Variants in KIAA1549L observed in about 807,000 individuals in gnomAD.
KIAA1549L encodes KIAA1549 like.
Under a neutral mutation model 160.7 loss-of-function variants are expected in KIAA1549L, and 88 were observed. That is an observed-to-expected ratio of 0.55 (90% CI 0.46 to 0.65). The LOEUF (loss-of-function observed/expected upper bound fraction) is 0.65, where lower values mean the gene tolerates loss of function less well. KIAA1549L is among the 30% of genes least tolerant of loss of function. The pLI is 0.00. For synonymous variants in KIAA1549L, 950 were observed against 976.7 expected (o/e 0.97, Z 0.51); for missense variants, 2,258 against 2,437.5 (o/e 0.93, Z 1.55).
At chr11:33,494,248 A>G (rs1041828223) in intron 1 of KIAA1549L, among the ~76,000 whole-genome samples, 5 of 152,262 alleles carry the variant, frequency 3.3e-5, no homozygotes, top group Non-Finnish European at 7.3e-5. Context: ...TTTACTCTGA[A>G]CCCAATGCAA....
chr11:33,655,437 C>T lies in KIAA1549L; in HGVS notation c.5761-575C>T, dbSNP rs1023413185. Among the ~76,000 whole-genome samples, 7 of 152,312 alleles carry T rather than the reference C, an allele frequency of 4.6e-5. 1 individual carries two copies. Among genetic ancestry groups the T allele is most frequent in the East Asian group, 1.9e-4 (1 of 5,186 alleles). ...AATCCATTGCTTTTCTCCACTAAAC[C>T]TGCTCTCCCTTGAGAGAAAGTAAAA... On this transcript the variant is annotated intron_variant, in intron 17 of 20. Transcript: ENST00000658780.
intron 16 of KIAA1549L, among the ~76,000 whole-genome samples, chr11:33,625,308 G>C (rs1200497005): frequency 6.6e-6 from 1 of 152,028 alleles, no homozygotes; most frequent in Non-Finnish European, 1.5e-5. Context: ...GGTATTTCTA[G>C]TTCTATATCC....
At chr11:33,476,848 T>G (rs1021466499) in intron 1 of KIAA1549L, among the ~76,000 whole-genome samples, 6 of 152,344 alleles carry the variant, frequency 3.9e-5, no homozygotes, top group Non-Finnish European at 8.8e-5. Flanking sequence ...ACAAAACCTA[T>G]TCCTACTTGA....
chr11:33,665,820 G>C lies in KIAA1549L; in HGVS notation c.6160-2053G>C, dbSNP rs576170316. ...GAAATCAGAGCCCCTACAGGGGGAAGAGAGAGGCCAGGCAGCAGAAGCAGA... is the reference window on the plus strand; with the variant it reads ...GAAATCAGAGCCCCTACAGGGGGAACAGAGAGGCCAGGCAGCAGAAGCAGA... On this transcript the variant is annotated intron_variant, in intron 20 of 20. Transcript: ENST00000658780. 3.6e-4 allele frequency among the ~76,000 whole-genome samples: 55 copies of C among 152,288 alleles called. 1 individual carries two copies. The South Asian group carries it at 6.4e-3, about 18-fold the overall frequency.
chr11:33,510,531 A>G (rs1853204723), intron 1 of KIAA1549L, among the ~76,000 whole-genome samples: 1 of 152,194 alleles, frequency 6.6e-6, no homozygotes, highest in Non-Finnish European at 1.5e-5. Context: ...TTGTCTCTGA[A>G]GTAAACAGAT....
At chr11:33,420,108 A>G (rs188850223) in intron 1 of KIAA1549L, among the ~76,000 whole-genome samples, 1 of 152,224 alleles carries the variant, frequency 6.6e-6, no homozygotes, top group African/African-American at 2.4e-5. Context: ...ATTTGTGGTA[A>G]ATATCCCCTA....
chr11:33,495,949 C>T lies in KIAA1549L; in HGVS notation c.239-45853C>T, dbSNP rs984204822. 3.3e-5 allele frequency among the ~76,000 whole-genome samples: 5 copies of T among 151,946 alleles called. No homozygotes were observed. In the South Asian group the frequency reaches 1.0e-3, roughly 32 times the overall value. On this transcript the variant is annotated intron_variant, in intron 1 of 20. Transcript: ENST00000658780. Reference sequence around the variant, plus strand: ...TCTTTTGAGAAGTGTCTGTTCATGTCCTTCGCCCACTTTTATTATTATTGT... The same window carrying T: ...TCTTTTGAGAAGTGTCTGTTCATGTTCTTCGCCCACTTTTATTATTATTGT...
At chr11:33,383,101 T>C (rs1850105112) in intron 1 of KIAA1549L, among the ~76,000 whole-genome samples, 1 of 152,104 alleles carries the variant, frequency 6.6e-6, no homozygotes, top group Non-Finnish European at 1.5e-5. Flanking sequence ...ACCACCACCA[T>C]GGAAACTTCA....
chr11:33,588,695 G>A (rs188029033), intron 11 of KIAA1549L, among the ~76,000 whole-genome samples: 30 of 152,242 alleles, frequency 2.0e-4, no homozygotes, highest in Admixed American at 1.9e-3. Context: ...TTTCTTATAG[G>A]CCAAGGACAG....
chr11:33,539,281 C>A (rs1853961978), intron 1 of KIAA1549L, among the ~76,000 whole-genome samples: 1 of 152,090 alleles, frequency 6.6e-6, no homozygotes, highest in East Asian at 1.9e-4. Context: ...ATCCAATATC[C>A]TATTTATTAA....
At chr11:33,499,829 A>G (rs1239117584) in intron 1 of KIAA1549L, among the ~76,000 whole-genome samples, 1 of 152,202 alleles carries the variant, frequency 6.6e-6, no homozygotes, top group African/African-American at 2.4e-5. Context: ...TATGGTAGTG[A>G]TAGTGGGTAG....
intron 1 of KIAA1549L, among the ~76,000 whole-genome samples, chr11:33,406,381 C>T (rs939184652): frequency 3.3e-5 from 5 of 152,176 alleles, no homozygotes; most frequent in Admixed American, 3.3e-4. Flanking sequence ...CACACGTGCA[C>T]GGGCCATATG....
chr11:33,381,238 C>A (rs528078684), intron 1 of KIAA1549L, among the ~76,000 whole-genome samples: 1 of 152,202 alleles, frequency 6.6e-6, no homozygotes, highest in South Asian at 2.1e-4. Context: ...TGGCAATAAG[C>A]AAATACCTGT....
At chr11:33,666,711 T>C (rs1160171279) in intron 20 of KIAA1549L, among the ~76,000 whole-genome samples, 1 of 152,186 alleles carries the variant, frequency 6.6e-6, no homozygotes, top group African/African-American at 2.4e-5. Context: ...CCACTTTTGA[T>C]GAAGAGAGAA....
At chr11:33,662,282 CA>C (rs746383744) in intron 20 of KIAA1549L, among the ~76,000 whole-genome samples, 36 of 152,148 alleles carry the variant, frequency 2.4e-4, no homozygotes, top group Admixed American at 1.2e-3. Context: ...AATGTCCCCA[CA>C]TCTAGTAATA....
Position 33,543,205 on chromosome 11 carries a change from C to G in KIAA1549L, c.1642C>G (p.Pro548Ala). 6.2e-7 allele frequency: 1 copy of G among 1,614,038 alleles called. No individual in the cohort carries two copies. The highest frequency in any genetic ancestry group is 8.5e-7 in the Non-Finnish European group (1 of 1,179,906). Residue 548 changes from proline (P) to alanine (A), a missense_variant, in exon 2 of 21, where the codon CCT (proline) becomes GCT (alanine). By Grantham distance (27) the Pro-to-Ala change is conservative (BLOSUM62 -1). Around this residue, in one of 6 missense-constraint regions of KIAA1549L, gnomAD observed 540 missense variants for 465.7 expected, o/e 1.16. Transcript: ENST00000658780. ...TRDLLLSSKV[P>A]NLLSTSWTFP... ...AGACTTGCTCCTCTCAAGCAAAGTT[C>G]CTAATCTTCTTTCCACATCTTGGAC...
At chr11:33,518,339 T>C (rs1324158567) in intron 1 of KIAA1549L, among the ~76,000 whole-genome samples, 1 of 152,110 alleles carries the variant, frequency 6.6e-6, no homozygotes, top group African/African-American at 2.4e-5. Context: ...GTGATTTGCT[T>C]TACATGTAAA....
chr11:33,630,521 C>T (rs184290304), intron 16 of KIAA1549L, among the ~76,000 whole-genome samples: 14 of 152,346 alleles, frequency 9.2e-5, no homozygotes, highest in East Asian at 1.9e-4. Flanking sequence ...GCGCAGTATT[C>T]GGGTGGGAGT....
chr11:33,556,701 G>A (rs1484044350), intron 6 of KIAA1549L, among the ~76,000 whole-genome samples: 2 of 152,106 alleles, frequency 1.3e-5, no homozygotes, highest in African/African-American at 4.8e-5. Context: ...TAGAATGGTG[G>A]CTGCCAGGGG....
Sources: allele counts gnomAD v4.1 joint callset (sites outside exome capture counted in the v4.1 genomes callset), GRCh38; gene constraint gnomAD v4.1.1; regional missense constraint gnomAD v4.1.1; transcripts MANE v1.5; gene names NCBI Gene and HGNC (gene_info 2026-07-23, HGNC 2026-07-21).